The following RBFOX3 variants were observed in gnomAD, a reference collection of about 807,000 sequenced individuals.
RBFOX3 encodes RNA binding protein fox-1 homolog 3.
RBFOX3 carries 17 observed loss-of-function variants against 48.7 expected under a neutral mutation model. That is an observed-to-expected ratio of 0.35 (90% CI 0.24 to 0.52). The LOEUF (loss-of-function observed/expected upper bound fraction) is 0.52, where lower values mean the gene tolerates loss of function less well. RBFOX3 is among the 20% of genes least tolerant of loss of function. The pLI is 0.94. For missense variants in RBFOX3, 382 were observed against 497.5 expected, an observed-to-expected ratio of 0.77 and a Z score of 2.21; for synonymous variants, 212 against 209.5, an observed-to-expected ratio of 1.01 and a Z score of -0.10.
intron 1 of RBFOX3, among the ~76,000 whole-genome samples, chr17:79,544,975 CAAAAAA>C (rs10584963): frequency 7.3e-5 from 6 of 81,636 alleles, no homozygotes; most frequent in African/African-American, 1.4e-4. Flanking sequence ...TCATTAAGGG[CAAAAAA>C]AAAAAAAAAA....
chr17:79,094,632 C>G, intron 13 of RBFOX3, 103 bp from the exon 14 acceptor site: 1 of 729,896 alleles, frequency 1.4e-6, no homozygotes, highest in Non-Finnish European at 2.0e-6. Flanking sequence ...ACATGGGCAC[C>G]CTGTACCGAG....
chr17:79,625,442 G>A, the RBFOX3 span, among the ~76,000 whole-genome samples: 4 of 152,152 alleles, frequency 2.6e-5, no homozygotes, highest in East Asian at 1.9e-4. Flanking sequence ...TAGGGGTATC[G>A]TAAATCAAGG....
intron 2 of RBFOX3, among the ~76,000 whole-genome samples, chr17:79,384,922 C>T (rs1221275882): frequency 1.3e-5 from 2 of 152,254 alleles, no homozygotes; most frequent in Non-Finnish European, 2.9e-5. Context: ...AGCTACACGC[C>T]GGCTGCTGCC....
At position 79,390,007 on chromosome 17, in the gene RBFOX3, T is replaced by G. The variant is rs878860793; in HGVS notation, c.-174-82183A>C. Among the ~76,000 whole-genome samples, 1 of 95,914 alleles carries G rather than the reference T, an allele frequency of 1.0e-5. No individual in the cohort carries two copies. Among genetic ancestry groups the G allele is most frequent in the Non-Finnish European group, 2.5e-5 (1 of 40,264 alleles). 62.9% of individuals were successfully genotyped at this position (95,914 alleles called of 152,430 possible). On this transcript the variant is annotated intron_variant, in intron 2 of 14. Transcript: ENST00000693108. This position sits in a 1 kb window ranked among gnomAD's most constrained non-coding sequence, Gnocchi z 4.2. ...CCGCAGCCTCCAGGTCTCCGCAGCC[T>G]CCAGGTCTCCGCAGCCTCCAGGTCT...
At chr17:79,656,550 G>A in the RBFOX3 span, among the ~76,000 whole-genome samples, 4,186 of 151,382 alleles carry the variant, frequency 0.028, 210 homozygotes, top group African/African-American at 0.096. Context: ...GGAGGCGGAG[G>A]TTGCAGTGAG....
intron 1 of RBFOX3, among the ~76,000 whole-genome samples, chr17:79,521,387 C>T (rs1008970086): frequency 6.6e-6 from 1 of 152,050 alleles, no homozygotes; most frequent in East Asian, 1.9e-4. Flanking sequence ...CAGGCACAAA[C>T]TCACATACAC....
At chr17:79,417,499 G>A (rs1219950089) in intron 2 of RBFOX3, among the ~76,000 whole-genome samples, 3 of 152,254 alleles carry the variant, frequency 2.0e-5, no homozygotes, top group Non-Finnish European at 4.4e-5. Flanking sequence ...AGGCAGGGAA[G>A]AGTCCTGACT....
At position 79,252,289 on chromosome 17, in the gene RBFOX3, C is replaced by CT. The variant is rs35376869; in HGVS notation, c.-73-16485dup. Among the ~76,000 whole-genome samples, 90,651 of 151,960 alleles carry CT rather than the reference C, an allele frequency of 0.6. 29,504 individuals carry two copies. Among genetic ancestry groups the CT allele is most frequent in the Middle Eastern group, 0.82 (240 of 294 alleles). Reference sequence around the variant, plus strand: ...TAGCCGAGTTCCCTGTGGGTCCAACCTTTTGCTTCCCTTGATGTCTCCCAG... The same window carrying CT: ...TAGCCGAGTTCCCTGTGGGTCCAACCTTTTTGCTTCCCTTGATGTCTCCCAG... On this transcript the variant is annotated intron_variant, in intron 3 of 14. Transcript: ENST00000693108. This position sits in a 1 kb window ranked among gnomAD's most constrained non-coding sequence, Gnocchi z 4.0.
intron 2 of RBFOX3, among the ~76,000 whole-genome samples, chr17:79,428,449 G>T (rs1568233720): frequency 6.6e-6 from 1 of 152,248 alleles, no homozygotes; most frequent in Non-Finnish European, 1.5e-5. Flanking sequence ...CACTGATGGG[G>T]CCTAGAGCCC....
chr17:79,093,327 G>A (rs1352927920), intron 14 of RBFOX3, among the ~76,000 whole-genome samples: 1 of 152,144 alleles, frequency 6.6e-6, no homozygotes, highest in Non-Finnish European at 1.5e-5. Flanking sequence ...AAGTGCAAGA[G>A]AAGAAAAATT....
chr17:79,355,636 A>G (rs565333963), intron 2 of RBFOX3, among the ~76,000 whole-genome samples: 1 of 151,872 alleles, frequency 6.6e-6, no homozygotes, highest in East Asian at 1.9e-4. Flanking sequence ...GCTGGAGTAC[A>G]GTGGTTTGAT....
chr17:79,201,454 C>T (rs932533963), intron 4 of RBFOX3, among the ~76,000 whole-genome samples: 1 of 118,324 alleles, frequency 8.5e-6, no homozygotes, highest in Non-Finnish European at 2.0e-5. Flanking sequence ...GGAGGGCTTT[C>T]CAGGGCTAGG....
chr17:79,152,533 T>C (rs1198829646), intron 4 of RBFOX3, among the ~76,000 whole-genome samples: 1 of 152,172 alleles, frequency 6.6e-6, no homozygotes, highest in African/African-American at 2.4e-5. Flanking sequence ...TGTGAGCTTC[T>C]TCACCCCGCT....
In RBFOX3 at chr17:79,157,432, C is replaced by T. The variant is rs1003484931; in HGVS notation, c.-33-41684G>A. The stretch of plus-strand genomic sequence containing the variant: ...GCCCCGGAATCTGATCAGGACCCTC[C>T]GAGGGAACCTGCCAAGAACACAGAT... On this transcript the variant is annotated intron_variant, in intron 4 of 14. Transcript: ENST00000693108. Among the ~76,000 whole-genome samples, 20 of 152,326 alleles carry T rather than the reference C, an allele frequency of 1.3e-4. 1 individual carries two copies. Among genetic ancestry groups the T allele is most frequent in the Middle Eastern group, 6.8e-3 (2 of 294 alleles).
chr17:79,436,631 A>C (rs1287012426), intron 2 of RBFOX3, among the ~76,000 whole-genome samples: 1 of 152,188 alleles, frequency 6.6e-6, no homozygotes, highest in African/African-American at 2.4e-5. Context: ...TGGAGGGACC[A>C]GATGATTAGG....
intron 4 of RBFOX3, among the ~76,000 whole-genome samples, chr17:79,170,169 A>G (rs754473916): frequency 4.1e-5 from 6 of 147,876 alleles, no homozygotes; most frequent in Non-Finnish European, 7.5e-5. Context: ...AGGAAGGAGG[A>G]AGGAAGGGGA....
rs144954985 is a variant in RBFOX3, at chr17:79,120,836, C to T, written c.-33-5088G>A. ...ATCCTCCCTTCCTCTACAAACTTGC[C>T]CCCCTCTTCTATCATCACTTGTGCC... On this transcript the variant is annotated intron_variant, in intron 4 of 14. Coordinates refer to ENST00000693108, the MANE Select transcript of RBFOX3 (RefSeq NM_001350451.2). 5.7e-3 allele frequency among the ~76,000 whole-genome samples: 861 copies of T among 151,906 alleles called. 12 individuals carry two copies. Among genetic ancestry groups the T allele is most frequent in the African/African-American group, 0.02 (810 of 41,350 alleles).
At chr17:79,116,567 G>C (rs1162305459) in intron 4 of RBFOX3, among the ~76,000 whole-genome samples, 3 of 152,362 alleles carry the variant, frequency 2.0e-5, no homozygotes, top group African/African-American at 7.2e-5. Flanking sequence ...GTGAGAGGGC[G>C]GCGCTGCCCA....
At chr17:79,197,729 C>T (rs1391198776) in intron 4 of RBFOX3, among the ~76,000 whole-genome samples, 1 of 152,162 alleles carries the variant, frequency 6.6e-6, no homozygotes, top group South Asian at 2.1e-4. Flanking sequence ...GACACATCGT[C>T]CACGCAGCCA....
Sources: gnomAD v4.1 joint callset for allele counts (sites outside exome capture counted in the v4.1 genomes callset) on GRCh38, gnomAD v4.1.1 for gene constraint, Gnocchi (gnomAD v3.1) non-coding constraint, MANE v1.5 for transcripts, NCBI Gene and HGNC (gene_info 2026-07-23, HGNC 2026-07-21) for gene names.